Variants in UGT1A9 observed in about 807,000 individuals in gnomAD.
UGT1A9 encodes the protein UDP-glucuronosyltransferase 1A9.
UGT1A9 carries 35 observed loss-of-function variants against 45.0 expected under a neutral mutation model. The ratio of observed to expected loss-of-function variants is 0.78; its 90% CI spans 0.59 to 1.03. UGT1A9 has a LOEUF of 1.03. UGT1A9 is among the 50% of genes least tolerant of loss of function. The probability of loss-of-function intolerance (pLI) is 0.00; values close to 1 mark genes in which losing one functional copy is unlikely to be tolerated. For synonymous variants in UGT1A9, 278 were observed against 250.6 expected, an observed-to-expected ratio of 1.11 and a Z score of -1.03; for missense variants, 687 against 666.6, an observed-to-expected ratio of 1.03 and a Z score of -0.34.
rs373408916 is a variant in UGT1A9, at chr2:233,682,060, G to A, written c.855+9271G>A. 166 of 1,614,026 alleles carry A rather than the reference G, an allele frequency of 1.0e-4. No homozygotes were observed. The highest frequency in any genetic ancestry group is 1.3e-4 in the Non-Finnish European group (156 of 1,180,024). On this transcript the variant is annotated intron_variant, in intron 1 of 4. Coordinates refer to ENST00000354728, the MANE Select transcript of UGT1A9 (RefSeq NM_021027.3). The stretch of plus-strand genomic sequence containing the variant: ...TGGATGGGAGCCACTGGTTCACCAT[G>A]CAGTCGGTGGTGGAGAAACTCATCC...
intron 1 of UGT1A9, chr2:233,739,149 C>T (rs912480643): frequency 6.6e-6 from 1 of 152,208 alleles, no homozygotes; most frequent in African/African-American, 2.4e-5. Context: ...TGGGAACCTC[C>T]ACATAAATTT....
chr2:233,694,516 A>G (rs2125559626), intron 1 of UGT1A9, among the ~76,000 whole-genome samples: 1 of 152,322 alleles, frequency 6.6e-6, no homozygotes, highest in African/African-American at 2.4e-5. Context: ...CCTGACATGT[A>G]GGAAAAGGGC....
intron 1 of UGT1A9, among the ~76,000 whole-genome samples, chr2:233,674,584 G>C (rs915751411): frequency 1.3e-5 from 2 of 151,902 alleles, no homozygotes; most frequent in Non-Finnish European, 1.5e-5. Context: ...CTATGATAGA[G>C]GGTTATCTAT....
chr2:233,749,850 T>C (rs1468602836), intron 1 of UGT1A9, among the ~76,000 whole-genome samples: 1 of 151,948 alleles, frequency 6.6e-6, no homozygotes. Flanking sequence ...TCTTTGCCTC[T>C]CTCTCACTTT....
chr2:233,760,063 T>C (rs1697313793), intron 1 of UGT1A9, among the ~76,000 whole-genome samples: 1 of 152,194 alleles, frequency 6.6e-6, no homozygotes, highest in African/African-American at 2.4e-5. Flanking sequence ...GAATGTGATT[T>C]GAGTATGAAA....
At chr2:233,744,389 G>GC (rs1692798556) in intron 1 of UGT1A9, among the ~76,000 whole-genome samples, 1 of 151,858 alleles carries the variant, frequency 6.6e-6, no homozygotes, top group African/African-American at 2.4e-5. Flanking sequence ...CAACGTTCCA[G>GC]CCCCGGTGCC....
intron 1 of UGT1A9, chr2:233,717,679 T>C (rs1575517929): frequency 6.9e-6 from 3 of 437,064 alleles, no homozygotes; most frequent in Admixed American, 4.8e-5. Flanking sequence ...TGCGAGCACA[T>C]GTAGGAGTGA....
Position 233,768,459 on chromosome 2 carries a change from A to G in UGT1A9, c.1295+20A>G, listed in dbSNP as rs746261768. ...CAAAAGGTAAGAAAGAAGATACAGA[A>G]GAATACTTTGGTCATGGCATTCATG... On this transcript the variant is annotated intron_variant, in intron 4 of 4. Transcript: ENST00000354728. 1.1e-5 allele frequency: 17 copies of G among 1,609,762 alleles called. No homozygotes were observed. In the South Asian group the frequency reaches 1.9e-4, roughly 18 times the overall value.
intron 1 of UGT1A9, among the ~76,000 whole-genome samples, chr2:233,708,167 T>G (rs2076006763): frequency 6.6e-6 from 1 of 152,200 alleles, no homozygotes; most frequent in African/African-American, 2.4e-5. Context: ...TGCCGGAAAA[T>G]GGACTTACTG....
At chr2:233,744,831 G>GCTAGTCTAGCAGAGTAGT (rs1692937900) in intron 1 of UGT1A9, among the ~76,000 whole-genome samples, 2 of 151,816 alleles carry the variant, frequency 1.3e-5, no homozygotes. Context: ...TTTGAGAATC[G>GCTAGTCTAGCAGAGTAGT]CTAGTCTAGC....
intron 1 of UGT1A9, among the ~76,000 whole-genome samples, chr2:233,728,340 T>A (rs2077702192): frequency 6.6e-6 from 1 of 152,202 alleles, no homozygotes; most frequent in African/African-American, 2.4e-5. Flanking sequence ...CCCCAGTCCC[T>A]TGGTGAGCAG....
chr2:233,712,323 T>C (rs1173585245), intron 1 of UGT1A9, among the ~76,000 whole-genome samples: 1 of 149,960 alleles, frequency 6.7e-6, no homozygotes, highest in Non-Finnish European at 1.5e-5. Flanking sequence ...ACAAAGCCTT[T>C]CCAAGAATCT....
chr2:233,768,319 G>A lies in UGT1A9; in HGVS notation c.1175G>A (p.Gly392Asp), dbSNP rs367897068. The A allele has an allele frequency of 6.2e-7, 1 of 1,614,162 alleles. No homozygotes were observed. Among genetic ancestry groups the A allele is most frequent in the Non-Finnish European group, 8.5e-7 (1 of 1,180,044 alleles). The change falls in exon 4 of 5, where the codon GGT (glycine) becomes GAT (aspartate). Residue 392 changes from glycine (G) to aspartate (D), a missense_variant. Gly to Asp is a moderately conservative substitution (Grantham distance 94). Transcript: ENST00000354728. ...CCCATGGTGATGATGCCCTTGTTTG[G>A]TGATCAGATGGACAATGCAAAGCGC... ...GVPMVMMPLF[G>D]DQMDNAKRME...
chr2:233,681,187 C>T lies in UGT1A9; in HGVS notation c.855+8398C>T, dbSNP rs1386854804. On this transcript the variant is annotated intron_variant, in intron 1 of 4. Coordinates refer to ENST00000354728, the MANE Select transcript of UGT1A9 (RefSeq NM_021027.3). ...AACGCTAAGACCCTTGCTCTCTTTC[C>T]GTCGAACATGAGATGCCAATTTCTT... 5.3e-5 allele frequency among the ~76,000 whole-genome samples: 8 copies of T among 151,936 alleles called. No individual in the cohort carries two copies. In the East Asian group the frequency reaches 7.9e-4, roughly 15 times the overall value.
chr2:233,767,044 C>T lies in UGT1A9; in HGVS notation c.866C>T (p.Ala289Val), dbSNP rs758873309. The T allele has an allele frequency of 6.2e-7, 1 of 1,613,992 alleles. No individual in the cohort carries two copies. The highest frequency in any genetic ancestry group is 1.1e-5 in the South Asian group (1 of 91,046). ...TTCTTCTGGCTCTAGGAATTTGAAG[C>T]CTACATTAATGCTTCTGGAGAACAT... ...QGKPLPMEFE[A>V]YINASGEHGI... is the part of the protein sequence containing the mutation. The change falls in exon 2 of 5, where the codon GCC becomes GTC. Residue 289 changes from alanine to valine, a missense_variant. Ala to Val is a moderately conservative substitution (Grantham distance 64). Coordinates refer to ENST00000354728, the MANE Select transcript of UGT1A9 (RefSeq NM_021027.3).
At chr2:233,739,666 C>T (rs1691171708) in intron 1 of UGT1A9, among the ~76,000 whole-genome samples, 1 of 152,188 alleles carries the variant, frequency 6.6e-6, no homozygotes, top group East Asian at 1.9e-4. Context: ...CCCATTGTGT[C>T]TTGGAAGTTA....
intron 4 of UGT1A9, 143 bp downstream of exon 4, chr2:233,768,582 CTTTTTT>C (rs139595073): frequency 4.6e-4 from 479 of 1,031,596 alleles, no homozygotes; most frequent in East Asian, 1.4e-3. Context: ...TTTATTTCTT[CTTTTTT>C]TTTTTTTTTT....
chr2:233,711,786 G>T (rs952710503), intron 1 of UGT1A9, among the ~76,000 whole-genome samples: 2 of 152,208 alleles, frequency 1.3e-5, no homozygotes, highest in Non-Finnish European at 2.9e-5. Context: ...AGTGTGCACA[G>T]CCCAGAGAGC....
chr2:233,679,101 A>G (rs1322384670), intron 1 of UGT1A9, among the ~76,000 whole-genome samples: 1 of 152,180 alleles, frequency 6.6e-6, no homozygotes, highest in Non-Finnish European at 1.5e-5. Context: ...ACTGTGTGTA[A>G]TGAGTTCTAA....
Sources: allele counts gnomAD v4.1 joint callset (sites outside exome capture counted in the v4.1 genomes callset), GRCh38; gene constraint gnomAD v4.1.1; transcripts MANE v1.5; gene names NCBI Gene and HGNC (gene_info 2026-07-23, HGNC 2026-07-21).